MTA2: variants seen among roughly 807,000 people sequenced by gnomAD.
The protein encoded by MTA2 is metastasis-associated protein MTA2.
A neutral mutation model predicts 87.1 loss-of-function variants in MTA2; 22 were observed. The ratio of observed to expected loss-of-function variants is 0.25; its 90% CI spans 0.18 to 0.36. The LOEUF is 0.36. Among genes scored for constraint, MTA2 ranks in the 10% least tolerant of loss-of-function variants. The pLI, the probability that MTA2 is intolerant of heterozygous loss-of-function variation, is 1.00. For synonymous variants in MTA2, 314 were observed against 310.1 expected (o/e 1.01, Z -0.13); for missense variants, 542 against 853.2 (o/e 0.64, Z 4.54).
chr11:62,595,902 C>A lies in MTA2; in HGVS notation c.1115-11G>T. The A allele has an allele frequency of 6.2e-7, 1 of 1,614,042 alleles. No individual in the cohort carries two copies. The highest frequency in any genetic ancestry group is 8.5e-7 in the Non-Finnish European group (1 of 1,179,994). On this transcript the variant is annotated splice_polypyrimidine_tract_variant and intron_variant, in intron 12 of 17. Coordinates refer to ENST00000278823, the MANE Select transcript of MTA2 (RefSeq NM_004739.4). The surrounding 1 kb of genome is among the most constrained non-coding windows in gnomAD (Gnocchi z 4.9). ...GAGCAGACTGTGTGGCTGTAGAGTA[C>A]GGAGAGGAGGGGGACAGGGAAGAAG...
At chr11:62,600,754 G>A (rs1048641755) in intron 1 of MTA2, 65 bp from the exon 2 acceptor site, 17 of 1,475,026 alleles carry the variant, frequency 1.2e-5, no homozygotes, top group Middle Eastern at 1.8e-4. Context: ...AGAGCACCAG[G>A]GTAGGAGAGA....
chr11:62,598,346 C>T lies in MTA2; in HGVS notation c.353G>A (p.Ser118Asn). Residue 118 changes from serine (S) to asparagine (N), a missense_variant, in exon 5 of 18, where the codon AGC becomes AAC. Transcript: ENST00000278823. Reference protein sequence around the residue: ...VTLLNETDILSQYLEKEDCFF... With the variant: ...VTLLNETDILNQYLEKEDCFF... ...TCTCACCTCCTTTTCCAGGTACTGGCTCAAGATATCTGTCTCATTCAAGAG... is the reference window on the plus strand; with the variant it reads ...TCTCACCTCCTTTTCCAGGTACTGGTTCAAGATATCTGTCTCATTCAAGAG... 6.2e-7 allele frequency: 1 copy of T among 1,614,112 alleles called. No individual in the cohort carries two copies. Among genetic ancestry groups the T allele is most frequent in the Non-Finnish European group, 8.5e-7 (1 of 1,180,032 alleles).
In MTA2 at chr11:62,594,271, G is replaced by A; in HGVS notation, c.1829C>T (p.Thr610Ile). The change falls in exon 17 of 18, where the codon ACA becomes ATA. Residue 610 changes from threonine (T) to isoleucine (I), a missense_variant. Physicochemically the swap from Thr to Ile is moderately conservative, Grantham distance 89 (BLOSUM62 -1). Transcript: ENST00000278823. ...DAPNPVVFVA[T>I]KDTRALRKAL... Reference sequence around the variant, plus strand: ...GTAGACGCCTTACCTGGTATCCTTTGTGGCCACAAACACCACAGGATTGGG... The same window carrying A: ...GTAGACGCCTTACCTGGTATCCTTTATGGCCACAAACACCACAGGATTGGG... 1 of 1,614,146 alleles carries A rather than the reference G, an allele frequency of 6.2e-7. No homozygotes were observed. Among genetic ancestry groups the A allele is most frequent in the South Asian group, 1.1e-5 (1 of 91,082 alleles).
At position 62,596,622 on chromosome 11, in the gene MTA2, G is replaced by C; in HGVS notation, c.882+15C>G. ...GTCATCTCTCCCACTTCTCCTCCTA[G>C]TGCCATCCACTTACAAAATCCTGGC... On this transcript the variant is annotated intron_variant, in intron 9 of 17. Transcript: ENST00000278823. The C allele has an allele frequency of 6.2e-7, 1 of 1,611,800 alleles. No homozygotes were observed.
rs1037236018 is a variant in MTA2, at chr11:62,600,103, G to A, written c.190+63C>T. 24 of 1,461,416 alleles carry A rather than the reference G, an allele frequency of 1.6e-5. No individual in the cohort carries two copies. In the Admixed American group the frequency reaches 3.6e-4, roughly 22 times the overall value. The allele number at this position is 1,461,416 out of a possible 1,614,324, so 90.5% of individuals were successfully genotyped here. A position where few individuals can be genotyped will look rare whatever the true frequency, so the allele number is the denominator to read the frequency against. ...GGGCATGCTACCAGGGGAAATACCT[G>A]CAGGGACATGCCCAGGCCTCAGATC... On this transcript the variant is annotated intron_variant, in intron 3 of 17. Transcript: ENST00000278823.
chr11:62,598,112 G>A lies in MTA2; in HGVS notation c.402C>T (p.Asp134=), dbSNP rs375292638. 1.9e-5 allele frequency: 31 copies of A among 1,614,046 alleles called. No individual in the cohort carries two copies. Among genetic ancestry groups the A allele is most frequent in the African/African-American group, 1.9e-4 (14 of 74,988 alleles). ...EDCFFYSLVF[D]PVQKTLLADQ... ...CAGCGAGAAGTGTCTTCTGCACGGG[G>A]TCAAACACCAGTGAGTAAAAAAAGC... Residue 134 remains aspartate (D), a synonymous_variant, in exon 6 of 18, where the codon GAC becomes GAT. Coordinates refer to ENST00000278823, the MANE Select transcript of MTA2 (RefSeq NM_004739.4).
At position 62,593,876 on chromosome 11, in the gene MTA2, C is replaced by T. The variant is rs768779246; in HGVS notation, c.2006G>A (p.Ter669=). ...CCCACCTCCCTTCCCCACAGGTGCT[C>T]AGTCCTCCAGGACAATAGGCTCATT... ...STNEPIVLED[*] Residue 669 remains the stop codon, a stop_retained_variant, in exon 18 of 18, where the codon TGA becomes TAA. Coordinates refer to ENST00000278823, the MANE Select transcript of MTA2 (RefSeq NM_004739.4). 1.6e-5 allele frequency: 26 copies of T among 1,614,008 alleles called. No individual in the cohort carries two copies. In the East Asian group the frequency reaches 5.8e-4, roughly 36 times the overall value.
intron 17 of MTA2, 84 bp downstream of exon 17, chr11:62,594,175 G>A: frequency 6.3e-7 from 1 of 1,577,534 alleles, no homozygotes; most frequent in Non-Finnish European, 8.6e-7. Context: ...CAACTTTCCT[G>A]GAGCTCTTGC....
In MTA2 at chr11:62,595,340, G is replaced by A; in HGVS notation, c.1407C>T (p.Cys469=). The A allele has an allele frequency of 6.2e-7, 1 of 1,614,214 alleles. No individual in the cohort carries two copies. Among genetic ancestry groups the A allele is most frequent in the Non-Finnish European group, 8.5e-7 (1 of 1,180,040 alleles). ...TKLTRLARRM[C]RDLLQPRRAA... ...CCCTCCTTGGCTGTAATAGGTCCCT[G>A]CACATGCGTCTGGCAAGACGGGTCA... is the stretch of plus-strand genomic sequence containing the variant. The change falls in exon 14 of 18, where the codon TGC becomes TGT. Residue 469 remains cysteine, a synonymous_variant. Transcript: ENST00000278823. The surrounding 1 kb of genome is among the most constrained non-coding windows in gnomAD (Gnocchi z 4.9).
chr11:62,599,531 G>A (rs1411845842), intron 3 of MTA2, among the ~76,000 whole-genome samples: 5 of 151,864 alleles, frequency 3.3e-5, no homozygotes, highest in African/African-American at 1.2e-4. Flanking sequence ...AATTTAGAAA[G>A]GTGGAACAAA....
At chr11:62,600,526 T>C in intron 2 of MTA2, 96 bp downstream of exon 2, 1 of 1,145,832 alleles carries the variant, frequency 8.7e-7, no homozygotes, top group Non-Finnish European at 1.3e-6. Context: ...CGAATATGAA[T>C]GGGTACTTAG....
rs1198749811 is a variant in MTA2, at chr11:62,597,695, T to C, written c.508A>G (p.Asn170Asp). The C allele has an allele frequency of 6.2e-7, 1 of 1,614,126 alleles. No individual in the cohort carries two copies. Among genetic ancestry groups the C allele is most frequent in the Non-Finnish European group, 8.5e-7 (1 of 1,180,018 alleles). ...ACCTTCATCTCCATCTTCTGCTGGT[T>C]CCGATTATCAGATTCTCCTGGGGAA... is the stretch of plus-strand genomic sequence containing the variant. ...RLVEGESDNRNQQKMEMKVWD... is the reference protein window; with the variant it reads ...RLVEGESDNRDQQKMEMKVWD... Residue 170 changes from asparagine to aspartate, a missense_variant, in exon 7 of 18, where the codon AAC (asparagine) becomes GAC (aspartate). Physicochemically the swap from Asn to Asp is conservative, Grantham distance 23. Transcript: ENST00000278823.
chr11:62,601,235 G>A, intron 1 of MTA2, 188 bp downstream of exon 1: 2 of 708,768 alleles, frequency 2.8e-6, no homozygotes, highest in South Asian at 1.8e-5. Flanking sequence ...CTCTCTGGGA[G>A]TCTCGGAGCC....
rs777136719 is a variant in MTA2 at position 62,593,990 on chromosome 11, C to T, written c.1892G>A (p.Arg631Gln). The T allele has an allele frequency of 3.1e-6, 5 of 1,613,502 alleles. No homozygotes were observed. Among genetic ancestry groups the T allele is most frequent in the Admixed American group, 3.3e-5 (2 of 59,946 alleles). ...THLEMRRAARRPNLPLKVKPT... is the reference protein window; with the variant it reads ...THLEMRRAARQPNLPLKVKPT... ...CTTCACCTTCAGGGGCAAGTTGGGT[C>T]GGCGAGCAGCTCGCCGCATTTCCAG... Residue 631 changes from arginine to glutamine, a missense_variant, in exon 18 of 18, where the codon CGA (arginine) becomes CAA (glutamine). Physicochemically the swap from Arg to Gln is conservative, Grantham distance 43 (BLOSUM62 1). Around this residue, in one of 6 missense-constraint regions of MTA2, gnomAD observed 269 missense variants for 346.4 expected, o/e 0.78. Coordinates refer to ENST00000278823, the MANE Select transcript of MTA2 (RefSeq NM_004739.4).
chr11:62,595,995 G>A lies in MTA2; in HGVS notation c.1114+15C>T, dbSNP rs746300517. The A allele has an allele frequency of 3.1e-6, 5 of 1,614,008 alleles. No homozygotes were observed. The Middle Eastern group carries it at 5.0e-4, about 160-fold the overall frequency. On this transcript the variant is annotated intron_variant, in intron 12 of 17. Transcript: ENST00000278823. The surrounding 1 kb of genome is among the most constrained non-coding windows in gnomAD (Gnocchi z 4.9). ...TTCCACCCATCCCCACCATCCCAGT[G>A]CCCCCGTAACTCACTGTGGCAACTC...
Position 62,596,293 on chromosome 11 carries a change from G to A in MTA2, c.1002C>T (p.Val334=). The stretch of plus-strand genomic sequence containing the variant: ...ACCACACTTACTAGGTGGGAATGTA[G>A]ACCTGTTTCAGTTTGCTGTCTGCTT... The part of the protein sequence containing the change: ...AAEADSKLKQ[V]YIPTYTKPNP... The change falls in exon 11 of 18, where the codon GTC becomes GTT. Residue 334 remains valine, a synonymous_variant. Coordinates refer to ENST00000278823, the MANE Select transcript of MTA2 (RefSeq NM_004739.4). The A allele has an allele frequency of 6.2e-7, 1 of 1,614,106 alleles. No individual in the cohort carries two copies. Among genetic ancestry groups the A allele is most frequent in the Non-Finnish European group, 8.5e-7 (1 of 1,180,026 alleles).
At chr11:62,594,157 T>C (rs1044706175) in intron 17 of MTA2, 102 bp downstream of exon 17, 105 of 1,566,568 alleles carry the variant, frequency 6.7e-5, no homozygotes, top group Non-Finnish European at 8.8e-5. Context: ...ATCCCCACCC[T>C]GCATCCACAA....
chr11:62,600,275 A>G lies in MTA2; in HGVS notation c.97-16T>C, dbSNP rs779497366. Reference sequence around the variant, plus strand: ...CATTTGCAGTCTAAGGGGAGGAAAAAAACAAAAACAAAACAACGTAGCAGT... The same window carrying G: ...CATTTGCAGTCTAAGGGGAGGAAAAGAACAAAAACAAAACAACGTAGCAGT... On this transcript the variant is annotated splice_polypyrimidine_tract_variant and intron_variant, in intron 2 of 17. Transcript: ENST00000278823. 69 of 1,605,834 alleles carry G rather than the reference A, an allele frequency of 4.3e-5. No homozygotes were observed. The highest frequency in any genetic ancestry group is 5.5e-5 in the Non-Finnish European group (64 of 1,172,778).
In MTA2 at chr11:62,593,840, C is replaced by G; in HGVS notation, c.*35G>C. 6.2e-7 allele frequency: 1 copy of G among 1,613,214 alleles called. No individual in the cohort carries two copies. Among genetic ancestry groups the G allele is most frequent in the Non-Finnish European group, 8.5e-7 (1 of 1,179,592 alleles). On this transcript the variant is annotated 3_prime_UTR_variant, in exon 18 of 18. Transcript: ENST00000278823. The stretch of plus-strand genomic sequence containing the variant: ...TTTGGGTGCCCTGGGCATCCACCCT[C>G]TACCTCTCAGCCCACCTCCCTTCCC...
Sources: allele counts gnomAD v4.1 joint callset (sites outside exome capture counted in the v4.1 genomes callset), GRCh38; gene constraint gnomAD v4.1.1; regional missense constraint gnomAD v4.1.1; non-coding constraint Gnocchi (gnomAD v3.1); transcripts MANE v1.5; gene names NCBI Gene and HGNC (gene_info 2026-07-23, HGNC 2026-07-21).